Variants in RNF128 observed in about 807,000 individuals in gnomAD.
RNF128 encodes ring finger protein 128, also known as E3 ubiquitin-protein ligase RNF128.
A neutral mutation model predicts 26.2 loss-of-function variants in RNF128; 13 were observed. The observed-to-expected ratio is 0.50, with a 90% CI of 0.32 to 0.79. RNF128 has a LOEUF of 0.79. Ranked by LOEUF, RNF128 falls within the 30% of genes least tolerant of loss-of-function variation. RNF128 has a pLI of 0.03. For synonymous variants in RNF128, 149 were observed against 142.5 expected (o/e 1.05, Z -0.32); for missense variants, 315 against 349.7 (o/e 0.90, Z 0.79).
chrX:106,704,562 G>GAGA (rs2147658868), intron 1 of RNF128, among the ~76,000 whole-genome samples: 1 of 111,190 alleles, frequency 9.0e-6, no homozygotes, highest in South Asian at 3.8e-4. Flanking sequence ...ATATCTGAAG[G>GAGA]AGAAGTCGTG....
chrX:106,699,734 A>C (rs962107680), intron 1 of RNF128, among the ~76,000 whole-genome samples: 5 of 111,587 alleles, frequency 4.5e-5, no homozygotes, highest in African/African-American at 1.6e-4. Context: ...CCAACCTAAC[A>C]GTCTACTCTT....
intron 2 of RNF128, among the ~76,000 whole-genome samples, chrX:106,779,179 C>T (rs1313043572): frequency 9.0e-6 from 1 of 111,510 alleles, no homozygotes; most frequent in African/African-American, 3.3e-5. Flanking sequence ...TTTATATATT[C>T]ACTTACTCTA....
intron 1 of RNF128, among the ~76,000 whole-genome samples, chrX:106,713,264 T>C (rs956335086): frequency 7.3e-5 from 8 of 109,137 alleles, no homozygotes; most frequent in Middle Eastern, 4.8e-3. Context: ...ATCCCAGCAC[T>C]TTGGGAAGCC....
chrX:106,758,514 A>T (rs1930065657), intron 1 of RNF128, among the ~76,000 whole-genome samples: 1 of 111,886 alleles, frequency 8.9e-6, no homozygotes, highest in African/African-American at 3.2e-5. Context: ...GAGGAAACAT[A>T]TTACCTGACT....
chrX:106,745,680 G>T (rs1034337099), intron 1 of RNF128, among the ~76,000 whole-genome samples: 2 of 111,496 alleles, frequency 1.8e-5, no homozygotes, highest in Non-Finnish European at 3.8e-5. Flanking sequence ...TACACTGATA[G>T]TAAATACATA....
chrX:106,735,924 T>G (rs1013384500), intron 1 of RNF128, among the ~76,000 whole-genome samples: 2 of 110,367 alleles, frequency 1.8e-5, no homozygotes, highest in Non-Finnish European at 3.8e-5. Context: ...CACACACACA[T>G]AAAAAAATGC....
intron 1 of RNF128, among the ~76,000 whole-genome samples, chrX:106,736,303 G>T (rs931299026): frequency 3.6e-5 from 4 of 111,426 alleles, no homozygotes; most frequent in Non-Finnish European, 5.7e-5. Context: ...TCCACTAGTT[G>T]GTGGTTTATA....
intron 1 of RNF128, among the ~76,000 whole-genome samples, chrX:106,743,929 C>A (rs973734655): frequency 1.8e-5 from 2 of 111,630 alleles, no homozygotes; most frequent in Admixed American, 9.5e-5. Flanking sequence ...AGCCATAAAA[C>A]ATGATGAGTT....
rs935013705 is a variant in RNF128 at position 106,785,130 on chromosome X, A to G, written c.798A>G (p.Gly266=). The G allele has an allele frequency of 2.0e-5, 24 of 1,176,483 alleles. No individual in the cohort carries two copies. Among genetic ancestry groups the G allele is most frequent in the Non-Finnish European group, 2.7e-5 (24 of 878,022 alleles). ...GRLQLRTLKQ[G]DKEIGPDGDS... ...TTCAACTACGCACACTGAAACAAGG[A>G]GACAAGGTACATTCATGACTTTTAA... The change falls in exon 3 of 7, where the codon GGA becomes GGG. Residue 266 remains glycine, a synonymous_variant. Coordinates refer to ENST00000255499, the MANE Select transcript of RNF128 (RefSeq NM_194463.2).
intron 1 of RNF128, among the ~76,000 whole-genome samples, chrX:106,706,725 T>C (rs1002613727): frequency 8.9e-6 from 1 of 112,496 alleles, no homozygotes; most frequent in African/African-American, 3.2e-5. Context: ...GCGAAAGATG[T>C]ATAGGATCTG....
In RNF128 at chrX:106,795,682, A is replaced by C; in HGVS notation, c.1256A>C (p.Gln419Pro). ...PTFEEDETPN[Q>P]ETAVREIKS ...TTTGAAGAAGACGAAACTCCTAATC[A>C]AGAGACTGCTGTTCGAGAAATTAAA... is the stretch of plus-strand genomic sequence containing the variant. Residue 419 changes from glutamine (Q) to proline (P), a missense_variant, in exon 7 of 7, where the codon CAA becomes CCA. By Grantham distance (76) the Gln-to-Pro change is moderately conservative. Coordinates refer to ENST00000255499, the MANE Select transcript of RNF128 (RefSeq NM_194463.2). The C allele has an allele frequency of 8.3e-7, 1 of 1,199,646 alleles. No individual in the cohort carries two copies. Among genetic ancestry groups the C allele is most frequent in the Non-Finnish European group, 1.1e-6 (1 of 889,755 alleles).
intron 1 of RNF128, among the ~76,000 whole-genome samples, chrX:106,752,103 C>G (rs1929902461): frequency 9.0e-6 from 1 of 111,380 alleles, no homozygotes; most frequent in Admixed American, 9.5e-5. Flanking sequence ...GACAGCATTT[C>G]TAGACCCACC....
Position 106,772,908 on chromosome X carries a change from T to A in RNF128, c.485-5T>A, listed in dbSNP as rs1930399251. 1 of 1,193,764 alleles carries A rather than the reference T, an allele frequency of 8.4e-7. No homozygotes were observed. Among genetic ancestry groups the A allele is most frequent in the African/African-American group, 1.8e-5 (1 of 56,262 alleles). ...AACTAAAACTGAATTTGTTTTATTT[T>A]ACAGGTGCAGTAGACATTGTTGCAA... On this transcript the variant is annotated splice_polypyrimidine_tract_variant and splice_region_variant and intron_variant, in intron 1 of 6. Coordinates refer to ENST00000255499, the MANE Select transcript of RNF128 (RefSeq NM_194463.2).
chrX:106,793,963 G>A (rs1345542960), intron 6 of RNF128, among the ~76,000 whole-genome samples: 2 of 110,536 alleles, frequency 1.8e-5, no homozygotes, highest in African/African-American at 6.6e-5. Flanking sequence ...GAGATACTTG[G>A]AGACTACACA....
At chrX:106,748,905 A>G (rs1171503402) in intron 1 of RNF128, among the ~76,000 whole-genome samples, 1 of 112,072 alleles carries the variant, frequency 8.9e-6, no homozygotes, top group African/African-American at 3.2e-5. Context: ...AAGAAAAATA[A>G]ATATTTGAGA....
intron 1 of RNF128, among the ~76,000 whole-genome samples, chrX:106,710,120 G>A (rs754089239): frequency 9.0e-6 from 1 of 111,668 alleles, no homozygotes; most frequent in Admixed American, 9.5e-5. Flanking sequence ...AAACAGTAAA[G>A]TACCATGTTC....
chrX:106,712,253 C>G (rs766479448), intron 1 of RNF128, among the ~76,000 whole-genome samples: 5 of 112,361 alleles, frequency 4.4e-5, no homozygotes, highest in African/African-American at 1.3e-4. Flanking sequence ...TCATCTGCAT[C>G]ACTGCTTCCC....
intron 1 of RNF128, among the ~76,000 whole-genome samples, chrX:106,760,710 A>C (rs990810833): frequency 1.8e-5 from 2 of 111,811 alleles, no homozygotes; most frequent in African/African-American, 6.5e-5. Context: ...TTTTAGCACT[A>C]TTCACAACAG....
At chrX:106,768,874 T>C (rs1042373297) in intron 1 of RNF128, among the ~76,000 whole-genome samples, 27 of 112,120 alleles carry the variant, frequency 2.4e-4, no homozygotes, top group Admixed American at 6.6e-4. Context: ...TTTTCCTCTA[T>C]ACACTGCTTT....
Sources: gnomAD v4.1 joint callset for allele counts (sites outside exome capture counted in the v4.1 genomes callset) on GRCh38, gnomAD v4.1.1 for gene constraint, MANE v1.5 for transcripts, NCBI Gene and HGNC (gene_info 2026-07-23, HGNC 2026-07-21) for gene names.